Variants in ANKIB1 observed in about 807,000 individuals in gnomAD.
The protein encoded by ANKIB1 is ankyrin repeat and IBR domain-containing protein 1.
In ANKIB1, 43 loss-of-function variants were observed where a neutral mutation model predicts 122.1. The ratio of observed to expected loss-of-function variants is 0.35; its 90% CI spans 0.28 to 0.45. The LOEUF is 0.45. ANKIB1 is among the 20% of genes least tolerant of loss of function. The pLI is 1.00. For synonymous variants in ANKIB1, 390 were observed against 442.0 expected (o/e 0.88, Z 1.48); for missense variants, 992 against 1,329.5 (o/e 0.75, Z 3.95).
intron 3 of ANKIB1, 69 bp downstream of exon 3, chr7:92,307,725 T>A: frequency 8.7e-6 from 4 of 458,072 alleles, no homozygotes; most frequent in South Asian, 1.3e-4. Flanking sequence ...AACTGTCAGG[T>A]TTTTTTTTTT....
At chr7:92,331,863 T>C (rs552692418) in intron 5 of ANKIB1, among the ~76,000 whole-genome samples, 22 of 152,298 alleles carry the variant, frequency 1.4e-4, no homozygotes, top group African/African-American at 5.1e-4. Context: ...GTCTCTACAT[T>C]CAGCCAAATC....
At chr7:92,396,163 A>G in intron 17 of ANKIB1, 1 of 552,776 alleles carries the variant, frequency 1.8e-6, no homozygotes, top group South Asian at 2.1e-5. Context: ...AGGCAATTGT[A>G]ATGACTGTTG....
At chr7:92,363,283 T>C (rs893871563) in intron 10 of ANKIB1, among the ~76,000 whole-genome samples, 2 of 151,996 alleles carry the variant, frequency 1.3e-5, no homozygotes, top group Non-Finnish European at 2.9e-5. Context: ...TGGTGGCACG[T>C]GCCTGTAGTC....
At chr7:92,307,999 T>C (rs1802603192) in intron 3 of ANKIB1, among the ~76,000 whole-genome samples, 1 of 151,532 alleles carries the variant, frequency 6.6e-6, no homozygotes, top group African/African-American at 2.4e-5. Flanking sequence ...TATTTTTGTA[T>C]AATTTAATTT....
At chr7:92,295,192 T>C in intron 2 of ANKIB1, 26 bp downstream of exon 2, 1 of 1,454,930 alleles carries the variant, frequency 6.9e-7, no homozygotes, top group African/African-American at 1.4e-5. Flanking sequence ...AACTAATTGG[T>C]ATTAGGGTAT....
At chr7:92,396,292 G>A in intron 17 of ANKIB1, 73 bp from the exon 18 acceptor site, 1 of 830,876 alleles carries the variant, frequency 1.2e-6, no homozygotes, top group Non-Finnish European at 2.0e-6. Flanking sequence ...CTGGAAAAAA[G>A]TGTGTACTTT....
intron 3 of ANKIB1, among the ~76,000 whole-genome samples, chr7:92,313,149 A>G (rs1416574567): frequency 2.0e-5 from 3 of 152,148 alleles, no homozygotes; most frequent in African/African-American, 4.8e-5. Context: ...GTTATCTTAG[A>G]TATTTCCTAT....
At chr7:92,261,973 G>A (rs954750199) in intron 1 of ANKIB1, among the ~76,000 whole-genome samples, 7 of 152,106 alleles carry the variant, frequency 4.6e-5, no homozygotes, top group Non-Finnish European at 8.8e-5. Flanking sequence ...TCACTTCTTC[G>A]TATCTTAAAA....
chr7:92,277,077 T>C (rs561767068), intron 1 of ANKIB1, among the ~76,000 whole-genome samples: 1 of 152,330 alleles, frequency 6.6e-6, no homozygotes, highest in Non-Finnish European at 1.5e-5. Flanking sequence ...CCATGTGAAG[T>C]GTCTGCTCCT....
At chr7:92,325,966 C>T (rs1486961320) in intron 4 of ANKIB1, 1 of 446,414 alleles carries the variant, frequency 2.2e-6, no homozygotes, top group South Asian at 1.6e-5. Context: ...TTTGTTTAGT[C>T]TGAAAATGGA....
chr7:92,352,670 C>T, intron 9 of ANKIB1, 28 bp downstream of exon 9: 1 of 1,574,194 alleles, frequency 6.4e-7, no homozygotes. Flanking sequence ...TGGAATCAGC[C>T]TAATCACCTT....
At chr7:92,363,434 C>T (rs1803998347) in intron 10 of ANKIB1, among the ~76,000 whole-genome samples, 1 of 152,030 alleles carries the variant, frequency 6.6e-6, no homozygotes, top group South Asian at 2.1e-4. Flanking sequence ...AAAATCCACA[C>T]TTACATGAGC....
intron 16 of ANKIB1, 128 bp from the exon 17 acceptor site, chr7:92,392,113 G>T: frequency 1.7e-6 from 1 of 580,690 alleles, no homozygotes; most frequent in Non-Finnish European, 2.9e-6. Context: ...TGTTTTAATA[G>T]TTGATCTACT....
intron 13 of ANKIB1, 34 bp from the exon 14 acceptor site, chr7:92,387,941 G>T (rs1309650327): frequency 1.2e-6 from 2 of 1,600,018 alleles, no homozygotes; most frequent in Non-Finnish European, 1.7e-6. Context: ...TAAATAAAGA[G>T]AATGGTTTAA....
At chr7:92,324,060 G>A (rs1802971300) in intron 4 of ANKIB1, among the ~76,000 whole-genome samples, 1 of 152,122 alleles carries the variant, frequency 6.6e-6, no homozygotes, top group African/African-American at 2.4e-5. Flanking sequence ...AAGAACTAGG[G>A]GCAGGGAAGA....
At chr7:92,298,595 A>G (rs1254958920) in intron 2 of ANKIB1, among the ~76,000 whole-genome samples, 1 of 151,998 alleles carries the variant, frequency 6.6e-6, no homozygotes, top group Non-Finnish European at 1.5e-5. Context: ...TGAAGTCAAA[A>G]CTATTTTTAT....
chr7:92,274,533 T>G (rs1026299506), intron 1 of ANKIB1, among the ~76,000 whole-genome samples: 5 of 152,190 alleles, frequency 3.3e-5, no homozygotes, highest in Non-Finnish European at 7.3e-5. Context: ...TCATACATAC[T>G]TTTGTAAATC....
At chr7:92,346,385 T>G (rs557324181) in intron 7 of ANKIB1, among the ~76,000 whole-genome samples, 1 of 152,186 alleles carries the variant, frequency 6.6e-6, no homozygotes, top group African/African-American at 2.4e-5. Flanking sequence ...CCCACCTCAG[T>G]CCCCCAACGT....
At chr7:92,371,858 G>A (rs1204161694) in intron 11 of ANKIB1, among the ~76,000 whole-genome samples, 1 of 151,546 alleles carries the variant, frequency 6.6e-6, no homozygotes, top group Non-Finnish European at 1.5e-5. Context: ...AGAACCTATG[G>A]TATTCAACCA....
Sources: allele counts gnomAD v4.1 joint callset (sites outside exome capture counted in the v4.1 genomes callset), GRCh38; gene constraint gnomAD v4.1.1; transcripts MANE v1.5; gene names NCBI Gene and HGNC (gene_info 2026-07-23, HGNC 2026-07-21).